SMYD3: variants seen among roughly 807,000 people sequenced by gnomAD.
SMYD3 encodes SET and MYND domain containing 3.
A neutral mutation model predicts 57.7 loss-of-function variants in SMYD3; 36 were observed. The observed-to-expected ratio is 0.62, with a 90% CI of 0.48 to 0.82. The LOEUF is 0.82. Among genes scored for constraint, SMYD3 ranks in the 40% least tolerant of loss-of-function variants. The pLI is 0.00. For missense variants in SMYD3, 515 were observed against 538.8 expected (o/e 0.96, Z 0.44); for synonymous variants, 211 against 195.0 (o/e 1.08, Z -0.68).
chr1:246,164,765 C>A (rs1341599923), intron 5 of SMYD3, among the ~76,000 whole-genome samples: 1 of 152,150 alleles, frequency 6.6e-6, no homozygotes, highest in Non-Finnish European at 1.5e-5. Flanking sequence ...TGATGGGTGA[C>A]AAATGGTAAT....
intron 5 of SMYD3, among the ~76,000 whole-genome samples, chr1:246,212,163 G>C (rs1323530576): frequency 1.3e-5 from 2 of 152,000 alleles, no homozygotes; most frequent in Non-Finnish European, 2.9e-5. Flanking sequence ...CTTTTTCAAA[G>C]ATAGTTAGCA....
chr1:246,042,103 A>G (rs1043172414), intron 5 of SMYD3, among the ~76,000 whole-genome samples: 4 of 152,206 alleles, frequency 2.6e-5, no homozygotes, highest in African/African-American at 9.6e-5. Flanking sequence ...GAATGCCCAT[A>G]ATCCTCTAAC....
At chr1:245,936,673 T>C (rs1284473740) in intron 5 of SMYD3, among the ~76,000 whole-genome samples, 7 of 152,176 alleles carry the variant, frequency 4.6e-5, no homozygotes, top group Non-Finnish European at 7.3e-5. Context: ...GGCAAGTGGA[T>C]CGATTGAGCC....
chr1:246,110,162 A>C (rs558865996), intron 5 of SMYD3, among the ~76,000 whole-genome samples: 1 of 152,230 alleles, frequency 6.6e-6, no homozygotes, highest in Non-Finnish European at 1.5e-5. Context: ...ATTACAGTAC[A>C]TGCCACTGAG....
At chr1:246,135,268 T>C (rs2061650096) in intron 5 of SMYD3, among the ~76,000 whole-genome samples, 1 of 152,132 alleles carries the variant, frequency 6.6e-6, no homozygotes, top group African/African-American at 2.4e-5. Context: ...CATCCTTCTA[T>C]GTGGAGCATC....
intron 5 of SMYD3, among the ~76,000 whole-genome samples, chr1:246,306,692 G>A (rs2064985221): frequency 6.6e-6 from 1 of 152,162 alleles, no homozygotes; most frequent in African/African-American, 2.4e-5. Context: ...GCACTACAAA[G>A]AATTAATTGA....
At chr1:246,034,993 T>C (rs2059745933) in intron 5 of SMYD3, among the ~76,000 whole-genome samples, 2 of 152,122 alleles carry the variant, frequency 1.3e-5, no homozygotes, top group Admixed American at 6.5e-5. Flanking sequence ...TGAAGCGTCA[T>C]AGTGTTCCGG....
At chr1:246,017,462 T>G (rs2059397126) in intron 5 of SMYD3, among the ~76,000 whole-genome samples, 1 of 152,160 alleles carries the variant, frequency 6.6e-6, no homozygotes. Context: ...TTCATGAGCT[T>G]GACACTTTTG....
chr1:245,752,199 A>G (rs1394196585), intron 11 of SMYD3, among the ~76,000 whole-genome samples: 1 of 152,202 alleles, frequency 6.6e-6, no homozygotes, highest in Admixed American at 6.5e-5. Context: ...AGTGCTTGTG[A>G]TCTGGCAAAG....
intron 5 of SMYD3, among the ~76,000 whole-genome samples, chr1:246,275,222 C>CGAA (rs2064306220): frequency 1.3e-5 from 2 of 152,222 alleles, no homozygotes; most frequent in African/African-American, 4.8e-5. Flanking sequence ...CGAAACTACT[C>CGAA]AGCTCTGCTG....
chr1:246,318,067 T>C (rs534430599), intron 5 of SMYD3, among the ~76,000 whole-genome samples: 85 of 152,338 alleles, frequency 5.6e-4, no homozygotes, highest in Non-Finnish European at 1.0e-3. Flanking sequence ...CATATATTTA[T>C]ATTATGTATT....
intron 10 of SMYD3, among the ~76,000 whole-genome samples, chr1:245,839,360 G>C (rs544061452): frequency 4.6e-5 from 7 of 151,866 alleles, no homozygotes; most frequent in Non-Finnish European, 2.9e-5. Context: ...TAGTAGAGAC[G>C]GGGTTTCACC....
intron 5 of SMYD3, among the ~76,000 whole-genome samples, chr1:246,274,748 A>T (rs1352773264): frequency 3.3e-5 from 5 of 152,100 alleles, no homozygotes; most frequent in Non-Finnish European, 2.9e-5. Context: ...CCTTTCTCTG[A>T]CAAGAGAGAG....
In SMYD3 at chr1:245,818,047, C is replaced by T. The variant is rs868819975; in HGVS notation, c.1076+40449G>A. 7.4e-3 allele frequency among the ~76,000 whole-genome samples: 1,117 copies of T among 151,904 alleles called. 12 individuals are homozygous for T. The highest frequency in any genetic ancestry group is 0.022 in the African/African-American group (925 of 41,456). The stretch of plus-strand genomic sequence containing the variant: ...ATTCAGATTCAGGAAATACAGAGAA[C>T]GCCACAAAGATACTCCTCGAGAAGA... On this transcript the variant is annotated intron_variant, in intron 10 of 11. Coordinates refer to ENST00000490107, the MANE Select transcript of SMYD3 (RefSeq NM_001167740.2).
chr1:245,881,677 T>C (rs1409775564), intron 8 of SMYD3, among the ~76,000 whole-genome samples: 2 of 152,062 alleles, frequency 1.3e-5, no homozygotes, highest in Non-Finnish European at 2.9e-5. Context: ...ACACAGCAAA[T>C]ATAAAAATGA....
intron 1 of SMYD3, among the ~76,000 whole-genome samples, chr1:246,365,429 A>C (rs1387566237): frequency 6.8e-6 from 1 of 147,836 alleles, no homozygotes; most frequent in Non-Finnish European, 1.5e-5. Context: ...CGAGAGACTG[A>C]GGCTACAGTG....
chr1:246,167,258 G>A (rs192448327), intron 5 of SMYD3, among the ~76,000 whole-genome samples: 1 of 152,224 alleles, frequency 6.6e-6, no homozygotes, highest in East Asian at 1.9e-4. Context: ...ATATGTATGT[G>A]AAATTAAGTA....
At chr1:246,296,833 G>A (rs116216565) in intron 5 of SMYD3, among the ~76,000 whole-genome samples, 3,932 of 152,168 alleles carry the variant, frequency 0.026, 68 homozygotes, top group African/African-American at 0.033. Flanking sequence ...AATCATTTAT[G>A]TATTATTGTA....
intron 2 of SMYD3, among the ~76,000 whole-genome samples, chr1:246,342,356 A>C (rs766488734): frequency 6.6e-6 from 1 of 152,230 alleles, no homozygotes; most frequent in Non-Finnish European, 1.5e-5. Context: ...TGCAGGAAAT[A>C]AAAGATACTC....
Sources: gnomAD v4.1 joint callset for allele counts (sites outside exome capture counted in the v4.1 genomes callset) on GRCh38, gnomAD v4.1.1 for gene constraint, MANE v1.5 for transcripts, NCBI Gene and HGNC (gene_info 2026-07-23, HGNC 2026-07-21) for gene names.